NID2: variants seen among roughly 807,000 people sequenced by gnomAD.
NID2 encodes nidogen 2, also known as nidogen-2.
Under a neutral mutation model 145.4 loss-of-function variants are expected in NID2, and 83 were observed. That is an observed-to-expected ratio of 0.57 (90% CI 0.48 to 0.69). NID2 has a LOEUF of 0.69. Among genes scored for constraint, NID2 ranks in the 30% least tolerant of loss-of-function variants. The probability of loss-of-function intolerance (pLI) is 0.00; values close to 1 mark genes in which losing one functional copy is unlikely to be tolerated. For synonymous variants in NID2, 739 were observed against 701.3 expected (o/e 1.05, Z -0.85); for missense variants, 1,807 against 1,765.7 (o/e 1.02, Z -0.42).
chr14:52,030,576 G>GAA lies in NID2; in HGVS notation c.2258-887_2258-886insTT, dbSNP rs1566755674. Among the ~76,000 whole-genome samples the GAA allele has an allele frequency of 6.7e-4, 41 of 61,618 alleles. 1 individual carries two copies. Among genetic ancestry groups the GAA allele is most frequent in the Admixed American group, 1.7e-3 (9 of 5,410 alleles). The allele number at this position is 61,618 out of a possible 152,430, so 40.4% of individuals were successfully genotyped here. A position where few individuals can be genotyped will look rare whatever the true frequency, so the allele number is the denominator to read the frequency against. ...AGAAAGAAAGAAAGAAAGGAAGGAA[G>GAA]GGAAAGAAAGAAAGAAAGAAAGAAA... On this transcript the variant is annotated intron_variant, in intron 9 of 21. Coordinates refer to ENST00000216286, the MANE Select transcript of NID2 (RefSeq NM_007361.4).
chr14:52,005,415 C>T lies in NID2; in HGVS notation c.*71G>A. The T allele has an allele frequency of 7.0e-7, 1 of 1,425,028 alleles. No homozygotes were observed. Among genetic ancestry groups the T allele is most frequent in the Non-Finnish European group, 9.4e-7 (1 of 1,065,964 alleles). The allele number at this position is 1,425,028 out of a possible 1,614,324, so 88.3% of individuals were successfully genotyped here. On this transcript the variant is annotated 3_prime_UTR_variant, in exon 22 of 22. Coordinates refer to ENST00000216286, the MANE Select transcript of NID2 (RefSeq NM_007361.4). ...CCAATTCCTTTTTTACTTTCTTTGC[C>T]TTTGCAGTCACTGTTCTTTAGGGTC...
intron 5 of NID2, among the ~76,000 whole-genome samples, chr14:52,050,016 C>T (rs1004932252): frequency 6.6e-6 from 1 of 152,186 alleles, no homozygotes; most frequent in African/African-American, 2.4e-5. Context: ...GTTGAGCTTG[C>T]AACACACTCC....
At chr14:52,027,901 T>C (rs1206955953) in intron 11 of NID2, among the ~76,000 whole-genome samples, 1 of 152,024 alleles carries the variant, frequency 6.6e-6, no homozygotes, top group Non-Finnish European at 1.5e-5. Context: ...AGAGTGCATT[T>C]TCTTTACTCT....
chr14:52,057,325 C>T (rs879134863), intron 3 of NID2, among the ~76,000 whole-genome samples: 1 of 152,188 alleles, frequency 6.6e-6, no homozygotes, highest in Non-Finnish European at 1.5e-5. Context: ...TTAGAACCAC[C>T]TTGCCCAGCC....
intron 5 of NID2, among the ~76,000 whole-genome samples, chr14:52,052,925 G>A (rs1892723150): frequency 6.6e-6 from 1 of 152,158 alleles, no homozygotes; most frequent in Non-Finnish European, 1.5e-5. Context: ...ATTAACCACC[G>A]CCTGCTTTCG....
At position 52,053,601 on chromosome 14, in the gene NID2, G is replaced by A; in HGVS notation, c.1407C>T (p.Asp469=). ...SRGTYEVGLE[D]NIGSNTEVFT... is the part of the protein sequence containing the mutation. Reference sequence around the variant, plus strand: ...CACCCTCGGTGTTGGAACCTATGTTGTCTTCCAGTCCCACCTCATACGTCC... The same window carrying A: ...CACCCTCGGTGTTGGAACCTATGTTATCTTCCAGTCCCACCTCATACGTCC... The change falls in exon 5 of 22, where the codon GAC becomes GAT. Residue 469 remains aspartate (D), a synonymous_variant. Transcript: ENST00000216286. 6.2e-7 allele frequency: 1 copy of A among 1,613,958 alleles called. No individual in the cohort carries two copies. The highest frequency in any genetic ancestry group is 8.5e-7 in the Non-Finnish European group (1 of 1,179,870).
intron 12 of NID2, among the ~76,000 whole-genome samples, chr14:52,023,868 A>G (rs1221544384): frequency 1.3e-5 from 2 of 152,212 alleles, no homozygotes; most frequent in African/African-American, 2.4e-5. Context: ...TTAACAAACT[A>G]TGGCTGGAGA....
chr14:52,028,617 A>C, intron 11 of NID2, 105 bp downstream of exon 11: 5 of 1,315,502 alleles, frequency 3.8e-6, no homozygotes, highest in Non-Finnish European at 5.2e-6. Context: ...TAAGAAAACC[A>C]TATAGCAGAG....
intron 5 of NID2, among the ~76,000 whole-genome samples, chr14:52,045,833 A>C (rs1892470665): frequency 6.6e-6 from 1 of 152,210 alleles, no homozygotes; most frequent in South Asian, 2.1e-4. Context: ...GAGGGGCTGC[A>C]GAAAGCGCCA....
At chr14:52,007,372 A>G (rs985489349) in intron 19 of NID2, 24 of 182,910 alleles carry the variant, frequency 1.3e-4, no homozygotes, top group African/African-American at 5.8e-4. Context: ...GATAAAAGCA[A>G]ACAAATGTAG....
chr14:52,067,768 A>C (rs905049177), intron 2 of NID2, 90 bp downstream of exon 2: 37 of 1,463,138 alleles, frequency 2.5e-5, no homozygotes, highest in Non-Finnish European at 3.4e-5. Flanking sequence ...TAGGCTCAGA[A>C]ACAACTCCGA....
chr14:52,064,993 T>G (rs929140812), intron 2 of NID2, among the ~76,000 whole-genome samples: 8 of 152,172 alleles, frequency 5.3e-5, no homozygotes, highest in African/African-American at 1.9e-4. Context: ...CAATAAGTAT[T>G]TCAAAGGTCT....
chr14:52,029,209 T>A (rs1388773562), intron 10 of NID2, among the ~76,000 whole-genome samples: 1 of 152,152 alleles, frequency 6.6e-6, no homozygotes, highest in Non-Finnish European at 1.5e-5. Flanking sequence ...TGTCTAAAAT[T>A]TAAAGAAAAT....
intron 9 of NID2, among the ~76,000 whole-genome samples, chr14:52,031,841 G>A (rs917424360): frequency 6.6e-6 from 1 of 152,210 alleles, no homozygotes; most frequent in Non-Finnish European, 1.5e-5. Flanking sequence ...CCTTCAATGA[G>A]GACATGACCC....
rs1282856766 is a variant in NID2 at position 52,005,097 on chromosome 14, T to C, written c.*389A>G. On this transcript the variant is annotated 3_prime_UTR_variant, in exon 22 of 22. Transcript: ENST00000216286. The stretch of plus-strand genomic sequence containing the variant: ...CAAGGTTTAGGATTATATTGTTATA[T>C]TGATCACATGTGCTTTAATTTCTTG... The C allele has an allele frequency of 5.8e-6, 1 of 171,460 alleles. No individual in the cohort carries two copies. The highest frequency in any genetic ancestry group is 2.4e-5 in the African/African-American group (1 of 42,054). The allele number at this position is 171,460 out of a possible 1,614,324, so 10.6% of individuals were successfully genotyped here.
At position 52,019,276 on chromosome 14, in the gene NID2, G is replaced by T; in HGVS notation, c.2813C>A (p.Thr938Lys). ...QCIPDSTSSL[T>K]PCEQQQRHAQ... ...ATGGCGCTGCTGTTGTTCACAGGGT[G>T]TCAGGCTTGAGGTGGAGTCTTCCAG... Residue 938 changes from threonine to lysine, a missense_variant, in exon 14 of 22, where the codon ACA becomes AAA. By Grantham distance (78) the Thr-to-Lys change is moderately conservative (BLOSUM62 -1). Transcript: ENST00000216286. 6.3e-7 allele frequency: 1 copy of T among 1,592,918 alleles called. No homozygotes were observed. The highest frequency in any genetic ancestry group is 8.6e-7 in the Non-Finnish European group (1 of 1,163,288).
At chr14:52,020,376 C>G (rs1278754218) in intron 12 of NID2, 198 bp from the exon 13 acceptor site, 2 of 771,486 alleles carry the variant, frequency 2.6e-6, no homozygotes, top group East Asian at 6.9e-5. Context: ...AATCAAGGAA[C>G]ATGTGAGTTA....
intron 5 of NID2, among the ~76,000 whole-genome samples, chr14:52,048,573 C>T (rs1216341836): frequency 6.6e-6 from 1 of 152,084 alleles, no homozygotes; most frequent in Non-Finnish European, 1.5e-5. Flanking sequence ...AGTGTATTTT[C>T]ATGCACTTCT....
At chr14:52,031,358 C>T (rs1264811435) in intron 9 of NID2, among the ~76,000 whole-genome samples, 3 of 152,180 alleles carry the variant, frequency 2.0e-5, no homozygotes, top group Non-Finnish European at 2.9e-5. Flanking sequence ...CCAGTCTCTA[C>T]TGACTGCACT....
Sources: gnomAD v4.1 joint callset for allele counts (sites outside exome capture counted in the v4.1 genomes callset) on GRCh38, gnomAD v4.1.1 for gene constraint, MANE v1.5 for transcripts, NCBI Gene and HGNC (gene_info 2026-07-23, HGNC 2026-07-21) for gene names.